Variants in SPTB observed in about 807,000 individuals in gnomAD.
The protein encoded by SPTB is spectrin beta chain, erythrocytic.
SPTB carries 45 observed loss-of-function variants against 256.2 expected under a neutral mutation model. The ratio of observed to expected loss-of-function variants is 0.18; its 90% CI spans 0.14 to 0.23. The LOEUF (loss-of-function observed/expected upper bound fraction) is 0.23, where lower values mean the gene tolerates loss of function less well. SPTB is among the 10% of genes least tolerant of loss of function. SPTB has a pLI of 1.00. For missense variants in SPTB, 2,715 were observed against 3,040.4 expected (o/e 0.89, Z 2.52); for synonymous variants, 1,231 against 1,243.1 (o/e 0.99, Z 0.21).
chr14:64,850,704 G>T (rs566085392), intron 1 of SPTB, among the ~76,000 whole-genome samples: 4 of 152,326 alleles, frequency 2.6e-5, no homozygotes, highest in Non-Finnish European at 2.9e-5. Context: ...TCGTGAAAAT[G>T]GTGCAGTAAG....
intron 29 of SPTB, among the ~76,000 whole-genome samples, chr14:64,768,490 A>T (rs2082225781): frequency 3.6e-3 from 1 of 276 alleles, no homozygotes; most frequent in African/African-American, 0.016. Flanking sequence ...ATGAGTGGCC[A>T]GGGGCACCAG....
At position 64,748,797 on chromosome 14, in the gene SPTB, C is replaced by T. The variant is rs1290431491; in HGVS notation, c.*509G>A. On this transcript the variant is annotated 3_prime_UTR_variant, in exon 36 of 36. Transcript: ENST00000644917. ...CACCTGAAGGCTCCTTCCTCATGCC[C>T]CTAGGGGGCTGGCCATGCATTTCCA... 1 of 162,046 alleles carries T rather than the reference C, an allele frequency of 6.2e-6. No homozygotes were observed. The highest frequency in any genetic ancestry group is 1.3e-5 in the Non-Finnish European group (1 of 75,402). The allele number at this position is 162,046 out of a possible 1,614,324, so 10.0% of individuals were successfully genotyped here.
In SPTB at chr14:64,793,540, T is replaced by A. The variant is rs1305006518; in HGVS notation, c.2123A>T (p.Gln708Leu). 2 of 1,613,988 alleles carry A rather than the reference T, an allele frequency of 1.2e-6. No individual in the cohort carries two copies. Among genetic ancestry groups the A allele is most frequent in the African/African-American group, 1.3e-5 (1 of 74,910 alleles). Residue 708 changes from glutamine to leucine, a missense_variant, in exon 14 of 36, where the codon CAG (glutamine) becomes CTG (leucine). Around this residue, in one of 4 missense-constraint regions of SPTB, gnomAD observed 2,239 missense variants for 2,384.4 expected, o/e 0.94. Coordinates refer to ENST00000644917, the MANE Select transcript of SPTB (RefSeq NM_001355436.2). The surrounding 1 kb of genome is among the most constrained non-coding windows in gnomAD (Gnocchi z 7.0). The part of the protein sequence containing the change: ...QEAHGMVARK[Q>L]FGHPQIEARI... ...GGCCTCGATCTGCGGGTGCCCAAAC[T>A]GCTTGCGCGCAACCATGCCATGAGC...
At chr14:64,800,611 C>G in intron 8 of SPTB, 145 bp downstream of exon 8, 1 of 747,402 alleles carries the variant, frequency 1.3e-6, no homozygotes, top group Non-Finnish European at 2.4e-6. Context: ...CAGGAGCCAT[C>G]AATGTTGCCA....
At chr14:64,765,720 A>AATCG (rs1433411730) in intron 32 of SPTB, among the ~76,000 whole-genome samples, 27 of 152,298 alleles carry the variant, frequency 1.8e-4, no homozygotes, top group African/African-American at 6.3e-4. Context: ...AGGGGGAAAG[A>AATCG]ATCGCCTACA....
chr14:64,769,581 TC>T lies in SPTB; in HGVS notation c.5937+8del. The stretch of plus-strand genomic sequence containing the variant: ...GAGGAGCTCGCCTCCATCCTTGCAG[TC>T]CCCTCACCTCCTCTGAGGCCTGGTG... On this transcript the variant is annotated splice_region_variant and intron_variant, in intron 28 of 35. Transcript: ENST00000644917. The T allele has an allele frequency of 6.2e-7, 1 of 1,613,682 alleles. No individual in the cohort carries two copies. Among genetic ancestry groups the T allele is most frequent in the Non-Finnish European group, 8.5e-7 (1 of 1,179,964 alleles).
chr14:64,779,270 A>G lies in SPTB; in HGVS notation c.4474-24T>C. 6.3e-7 allele frequency: 1 copy of G among 1,599,894 alleles called. No individual in the cohort carries two copies. On this transcript the variant is annotated intron_variant, in intron 21 of 35. Transcript: ENST00000644917. This position sits in a 1 kb window ranked among gnomAD's most constrained non-coding sequence, Gnocchi z 4.2. ...AGCTGCAGAGACCAGGAGGCAGGAGAGAGCTGATGACAATCACGGCCAACC... is the reference window on the plus strand; with the variant it reads ...AGCTGCAGAGACCAGGAGGCAGGAGGGAGCTGATGACAATCACGGCCAACC...
chr14:64,791,960 T>G, intron 14 of SPTB, 104 bp from the exon 15 acceptor site: 2 of 1,477,028 alleles, frequency 1.4e-6, no homozygotes, highest in Non-Finnish European at 1.9e-6. Context: ...TGCTTTCTCC[T>G]TCCACTGCCT....
At position 64,767,162 on chromosome 14, in the gene SPTB, G is replaced by T. The variant is rs566013818; in HGVS notation, c.6269+141C>A. 36 of 1,115,410 alleles carry T rather than the reference G, an allele frequency of 3.2e-5. 1 individual carries two copies. In the South Asian group the frequency reaches 4.5e-4, roughly 14 times the overall value. The allele number at this position is 1,115,410 out of a possible 1,614,324, so 69.1% of individuals were successfully genotyped here. A position where few individuals can be genotyped will look rare whatever the true frequency, so the allele number is the denominator to read the frequency against. Reference sequence around the variant, plus strand: ...AAAGGTCCTCTGCGCTCATGCTCAGGCACTCTGGGCCTTCCTGACGAGGGT... The same window carrying T: ...AAAGGTCCTCTGCGCTCATGCTCAGTCACTCTGGGCCTTCCTGACGAGGGT... On this transcript the variant is annotated intron_variant, in intron 31 of 35. Transcript: ENST00000644917.
chr14:64,870,180 TA>T (rs927948079), intron 1 of SPTB, among the ~76,000 whole-genome samples: 5 of 151,784 alleles, frequency 3.3e-5, no homozygotes, highest in Non-Finnish European at 5.9e-5. Flanking sequence ...CAGGACCTGG[TA>T]AGGAAGAGGG....
At chr14:64,875,775 C>A (rs1330823369) in intron 1 of SPTB, among the ~76,000 whole-genome samples, 1 of 152,142 alleles carries the variant, frequency 6.6e-6, no homozygotes, top group South Asian at 2.1e-4. Context: ...GTTTCAGAAC[C>A]CAGTATCCAT....
intron 2 of SPTB, among the ~76,000 whole-genome samples, chr14:64,822,512 C>G (rs903133262): frequency 6.6e-6 from 1 of 151,624 alleles, no homozygotes; most frequent in Non-Finnish European, 1.5e-5. Flanking sequence ...TATCTGTTCT[C>G]GATTTCCTAT....
chr14:64,832,251 C>T (rs1420509787), intron 1 of SPTB, among the ~76,000 whole-genome samples: 1 of 152,246 alleles, frequency 6.6e-6, no homozygotes, highest in African/African-American at 2.4e-5. Context: ...TGATACCTCC[C>T]TTCCTTGTTA....
At chr14:64,788,475 G>A (rs879892455) in intron 15 of SPTB, among the ~76,000 whole-genome samples, 5 of 152,134 alleles carry the variant, frequency 3.3e-5, no homozygotes, top group Non-Finnish European at 7.4e-5. Flanking sequence ...CAGATTTCTC[G>A]GCTCCCATCC....
intron 15 of SPTB, 93 bp downstream of exon 15, chr14:64,791,626 A>C: frequency 7.8e-7 from 1 of 1,283,786 alleles, no homozygotes; most frequent in Non-Finnish European, 1.1e-6. Flanking sequence ...GTGTTGGTGC[A>C]TACTAGGTGG....
chr14:64,748,017 A>G lies in SPTB; in HGVS notation c.*1289T>C, dbSNP rs1318615522. 6.6e-6 allele frequency: 1 copy of G among 151,946 alleles called. No individual in the cohort carries two copies. Among genetic ancestry groups the G allele is most frequent in the Non-Finnish European group, 1.5e-5 (1 of 68,044 alleles). 9.4% of individuals were successfully genotyped at this position (151,946 alleles called of 1,614,324 possible). A position where few individuals can be genotyped will look rare whatever the true frequency, so the allele number is the denominator to read the frequency against. On this transcript the variant is annotated 3_prime_UTR_variant, in exon 36 of 36. Coordinates refer to ENST00000644917, the MANE Select transcript of SPTB (RefSeq NM_001355436.2). Reference sequence around the variant, plus strand: ...GGTGCTCAGGGCTGGAGGGTGGTAGATATTTGACCTCTGTACTCATGTGAC... The same window carrying G: ...GGTGCTCAGGGCTGGAGGGTGGTAGGTATTTGACCTCTGTACTCATGTGAC...
rs2082142889 is a variant in SPTB, at chr14:64,764,886, A to G, written c.6345+1840T>C. On this transcript the variant is annotated intron_variant, in intron 32 of 35. Transcript: ENST00000644917. This position sits in a 1 kb window ranked among gnomAD's most constrained non-coding sequence, Gnocchi z 4.2. ...AGACAGGGAGGCGACCCCACATGCGATGACGGGAGCTTCGGAGGGAACTTC... is the reference window on the plus strand; with the variant it reads ...AGACAGGGAGGCGACCCCACATGCGGTGACGGGAGCTTCGGAGGGAACTTC... 6.6e-6 allele frequency among the ~76,000 whole-genome samples: 1 copy of G among 152,016 alleles called. No individual in the cohort carries two copies. Among genetic ancestry groups the G allele is most frequent in the South Asian group, 2.1e-4 (1 of 4,818 alleles).
chr14:64,871,497 G>A (rs961081848), intron 1 of SPTB, among the ~76,000 whole-genome samples: 1 of 152,198 alleles, frequency 6.6e-6, no homozygotes, highest in Non-Finnish European at 1.5e-5. Context: ...GAACACAGTG[G>A]TTCAGTGTGG....
intron 1 of SPTB, among the ~76,000 whole-genome samples, chr14:64,848,298 A>T (rs1247513427): frequency 1.3e-5 from 2 of 152,198 alleles, no homozygotes; most frequent in African/African-American, 4.8e-5. Flanking sequence ...AGACCATTTT[A>T]AAAAATCACA....
Sources: gnomAD v4.1 joint callset for allele counts (sites outside exome capture counted in the v4.1 genomes callset) on GRCh38, gnomAD v4.1.1 for gene constraint, gnomAD v4.1.1 regional missense constraint, Gnocchi (gnomAD v3.1) non-coding constraint, MANE v1.5 for transcripts, NCBI Gene and HGNC (gene_info 2026-07-23, HGNC 2026-07-21) for gene names.